Variants in PTPRM observed in about 807,000 individuals in gnomAD.
PTPRM encodes the protein receptor-type tyrosine-protein phosphatase mu.
A neutral mutation model predicts 186.7 loss-of-function variants in PTPRM; 47 were observed. The ratio of observed to expected loss-of-function variants is 0.25; its 90% CI spans 0.20 to 0.32. The LOEUF (loss-of-function observed/expected upper bound fraction) is 0.32, where lower values mean the gene tolerates loss of function less well. Ranked by LOEUF, PTPRM falls within the 10% of genes least tolerant of loss-of-function variation. PTPRM has a pLI of 1.00. For synonymous variants in PTPRM, 668 were observed against 674.9 expected (o/e 0.99, Z 0.16); for missense variants, 1,494 against 1,865.0 (o/e 0.80, Z 3.66).
chr18:8,377,880 G>A (rs527679792), intron 26 of PTPRM: 1 of 161,764 alleles, frequency 6.2e-6, no homozygotes, highest in South Asian at 2.0e-4. Context: ...CAGACTTCTT[G>A]TCTTCACAGT....
chr18:8,171,830 T>C (rs1200900385), intron 14 of PTPRM, among the ~76,000 whole-genome samples: 1 of 152,114 alleles, frequency 6.6e-6, no homozygotes, highest in African/African-American at 2.4e-5. Flanking sequence ...ACTTCATAGG[T>C]TAGCCTAGCC....
In PTPRM at chr18:8,383,296, C is replaced by CAAAAAA. The variant is rs59442781; in HGVS notation, c.3919-1236_3919-1231dup. 6.6e-3 allele frequency among the ~76,000 whole-genome samples: 201 copies of CAAAAAA among 30,456 alleles called. 26 individuals carry two copies. The highest frequency in any genetic ancestry group is 7.7e-3 in the Non-Finnish European group (140 of 18,230). 20.0% of individuals were successfully genotyped at this position (30,456 alleles called of 152,430 possible). ...CTGGCGACAGAACGAGCTTCTGCCT[C>CAAAAAA]AAAAAAAAAAAAAAAAAAAAAAAAA... On this transcript the variant is annotated intron_variant, in intron 29 of 32. Coordinates refer to ENST00000580170, the MANE Select transcript of PTPRM (RefSeq NM_001105244.2).
intron 14 of PTPRM, among the ~76,000 whole-genome samples, chr18:8,186,856 CAG>C (rs2093648761): frequency 6.6e-6 from 1 of 151,948 alleles, no homozygotes; most frequent in South Asian, 2.1e-4. Context: ...ACACAGGTAA[CAG>C]AGGAGTGACG....
chr18:8,248,002 C>T (rs1029169623), intron 16 of PTPRM, 83 bp downstream of exon 16: 1 of 1,376,724 alleles, frequency 7.3e-7, no homozygotes, highest in Non-Finnish European at 1.0e-6. Context: ...ATCCCTGGTG[C>T]TTGAGGGGCT....
intron 7 of PTPRM, among the ~76,000 whole-genome samples, chr18:8,025,473 T>C: frequency 6.6e-6 from 1 of 152,220 alleles, no homozygotes; most frequent in Non-Finnish European, 1.5e-5. Context: ...GAGAAGTTTC[T>C]TCTTTGTGTT....
At chr18:7,576,043 C>G (rs1174329693) in intron 1 of PTPRM, among the ~76,000 whole-genome samples, 1 of 152,092 alleles carries the variant, frequency 6.6e-6, no homozygotes, top group African/African-American at 2.4e-5. Context: ...GCAAGGATTG[C>G]AGGACATACA....
intron 14 of PTPRM, among the ~76,000 whole-genome samples, chr18:8,185,299 T>C (rs2093627588): frequency 6.6e-6 from 1 of 152,208 alleles, no homozygotes; most frequent in East Asian, 1.9e-4. Context: ...TGGGTATTCT[T>C]GCACCCTGTG....
At chr18:7,809,747 C>T (rs560528423) in intron 2 of PTPRM, among the ~76,000 whole-genome samples, 1 of 152,228 alleles carries the variant, frequency 6.6e-6, no homozygotes, top group East Asian at 1.9e-4. Context: ...TTCGGTGTTA[C>T]AGTGATGTTT....
At chr18:7,841,293 T>C (rs1210235086) in intron 2 of PTPRM, among the ~76,000 whole-genome samples, 2 of 135,322 alleles carry the variant, frequency 1.5e-5, no homozygotes, top group East Asian at 4.2e-4. Flanking sequence ...TTTTTTTTTT[T>C]TTTTTTTTTT....
intron 1 of PTPRM, among the ~76,000 whole-genome samples, chr18:7,603,317 T>C (rs2037452866): frequency 1.3e-5 from 2 of 152,264 alleles, no homozygotes; most frequent in African/African-American, 4.8e-5. Context: ...TTTGTTTTGT[T>C]GAGATTCATT....
At position 7,567,655 on chromosome 18, in the gene PTPRM, T is replaced by C; in HGVS notation, c.-164T>C. The C allele has an allele frequency of 1.8e-6, 1 of 563,264 alleles. No homozygotes were observed. The highest frequency in any genetic ancestry group is 2.9e-6 in the Non-Finnish European group (1 of 342,882). The allele number at this position is 563,264 out of a possible 1,614,324, so 34.9% of individuals were successfully genotyped here. On this transcript the variant is annotated 5_prime_UTR_variant, in exon 1 of 33. Coordinates refer to ENST00000580170, the MANE Select transcript of PTPRM (RefSeq NM_001105244.2). The surrounding 1 kb of genome is among the most constrained non-coding windows in gnomAD (Gnocchi z 4.3). Reference sequence around the variant, plus strand: ...CCTGTGCCCGCGCCCCTGGAGCCGCTGGAGTTCGGACTTCTGCAACTGTTG... The same window carrying C: ...CCTGTGCCCGCGCCCCTGGAGCCGCCGGAGTTCGGACTTCTGCAACTGTTG...
rs538092589 is a variant in PTPRM at position 7,775,678 on chromosome 18, T to C, written c.196+1407T>C. 2.0e-5 allele frequency among the ~76,000 whole-genome samples: 3 copies of C among 152,292 alleles called. No individual in the cohort carries two copies. The South Asian group carries it at 6.2e-4, about 32-fold the overall frequency. On this transcript the variant is annotated intron_variant, in intron 2 of 32. Transcript: ENST00000580170. ...GTGCACTTACTCTTGCTTTGTCTAT[T>C]AACTCCTCATTTGATAAAAAATTTG...
At chr18:7,905,579 C>T (rs1235086982) in intron 3 of PTPRM, among the ~76,000 whole-genome samples, 1 of 152,164 alleles carries the variant, frequency 6.6e-6, no homozygotes, top group Non-Finnish European at 1.5e-5. Context: ...GAGTCTTCTG[C>T]AGCCTGGCCA....
At chr18:7,610,030 A>T (rs1337198469) in intron 1 of PTPRM, among the ~76,000 whole-genome samples, 1 of 152,204 alleles carries the variant, frequency 6.6e-6, no homozygotes, top group East Asian at 1.9e-4. Context: ...TATATTACAA[A>T]CATCAACAGG....
intron 15 of PTPRM, 96 bp downstream of exon 15, chr18:8,244,305 G>C: frequency 1.6e-6 from 2 of 1,242,860 alleles, no homozygotes; most frequent in Non-Finnish European, 2.2e-6. Context: ...AAAGCTTCCT[G>C]AAGAAATTTT....
Position 8,343,409 on chromosome 18 carries a change from G to T in PTPRM, c.2957-14G>T, listed in dbSNP as rs201564063. ...ACAACAAAAACAAAAAGTTTCTGTT[G>T]TGTTTTGCTGCAGGGCCAATGCAGG... On this transcript the variant is annotated splice_polypyrimidine_tract_variant and intron_variant, in intron 22 of 32. Transcript: ENST00000580170. The T allele has an allele frequency of 1.9e-5, 31 of 1,606,140 alleles. No homozygotes were observed. In the African/African-American group the frequency reaches 2.3e-4, roughly 12 times the overall value.
chr18:8,388,900 G>C lies in PTPRM; in HGVS notation c.4208+1665G>C, dbSNP rs1033653290. Among the ~76,000 whole-genome samples, 10 of 152,254 alleles carry C rather than the reference G, an allele frequency of 6.6e-5. No homozygotes were observed. In the Middle Eastern group the frequency reaches 0.01, roughly 155 times the overall value. ...GGCGTGAACCCGGGAGGCGGAGCTT[G>C]CAGTGAGCCGAGATGGCGCCACTGC... On this transcript the variant is annotated intron_variant, in intron 31 of 32. Transcript: ENST00000580170.
intron 1 of PTPRM, among the ~76,000 whole-genome samples, chr18:7,619,256 C>G (rs1301082062): frequency 6.6e-6 from 1 of 152,114 alleles, no homozygotes; most frequent in Non-Finnish European, 1.5e-5. Flanking sequence ...AAGCTTGATT[C>G]ACAGAGGATT....
At chr18:7,599,139 C>G (rs1455676879) in intron 1 of PTPRM, among the ~76,000 whole-genome samples, 1 of 152,030 alleles carries the variant, frequency 6.6e-6, no homozygotes. Context: ...TCTTCAGTCA[C>G]TACTGAGGTT....
Sources: gnomAD v4.1 joint callset for allele counts (sites outside exome capture counted in the v4.1 genomes callset) on GRCh38, gnomAD v4.1.1 for gene constraint, Gnocchi (gnomAD v3.1) non-coding constraint, MANE v1.5 for transcripts, NCBI Gene and HGNC (gene_info 2026-07-23, HGNC 2026-07-21) for gene names.